The following NINJ2 variants were observed in gnomAD, a reference collection of about 807,000 sequenced individuals.
NINJ2 encodes ninjurin 2.
In NINJ2, 12 loss-of-function variants were observed where a neutral mutation model predicts 11.7. That is an observed-to-expected ratio of 1.02 (90% CI 0.66 to 1.66). The LOEUF is 1.66. Among genes scored for constraint, NINJ2 ranks in the 40% most tolerant of loss-of-function variants. The probability of loss-of-function intolerance (pLI) is 0.00; values close to 1 mark genes in which losing one functional copy is unlikely to be tolerated. For missense variants in NINJ2, 187 were observed against 181.8 expected (o/e 1.03, Z -0.16); for synonymous variants, 93 against 76.8 (o/e 1.21, Z -1.10).
intron 1 of NINJ2, among the ~76,000 whole-genome samples, chr12:625,511 C>T (rs186392294): frequency 2.0e-5 from 3 of 151,902 alleles, no homozygotes; most frequent in East Asian, 3.9e-4. Context: ...CTGGAGGCTA[C>T]GTTGAAGAAA....
At chr12:608,219 T>C (rs1947964710) in intron 1 of NINJ2, among the ~76,000 whole-genome samples, 1 of 152,136 alleles carries the variant, frequency 6.6e-6, no homozygotes, top group Non-Finnish European at 1.5e-5. Flanking sequence ...GAGTCCCCAG[T>C]CCTTTAGACT....
intron 1 of NINJ2, among the ~76,000 whole-genome samples, chr12:624,760 G>A (rs902875285): frequency 2.1e-5 from 3 of 145,020 alleles, no homozygotes; most frequent in Non-Finnish European, 1.5e-5. Flanking sequence ...AGTGAGCCGA[G>A]ATTGCGCCAC....
chr12:597,939 T>C (rs529789024), intron 1 of NINJ2, among the ~76,000 whole-genome samples: 4 of 152,374 alleles, frequency 2.6e-5, no homozygotes, highest in East Asian at 3.9e-4. Flanking sequence ...TGCTGGACCC[T>C]TCTGGTTTAA....
chr12:611,433 G>C (rs1215032251), intron 1 of NINJ2, among the ~76,000 whole-genome samples: 1 of 152,042 alleles, frequency 6.6e-6, no homozygotes, highest in Non-Finnish European at 1.5e-5. Context: ...CACCTCCTGG[G>C]TTTACGCAAT....
chr12:601,359 A>T (rs1200653156), intron 1 of NINJ2, among the ~76,000 whole-genome samples: 1 of 149,484 alleles, frequency 6.7e-6, no homozygotes, highest in Non-Finnish European at 1.5e-5. Flanking sequence ...ATCCTGGCTA[A>T]CACAGTGAAA....
intron 1 of NINJ2, chr12:610,497 C>T (rs2535404): frequency 0.28 from 425,292 of 1,520,452 alleles, 62,463 homozygotes; most frequent in African/African-American, 0.47. Flanking sequence ...GCCTTCTGCC[C>T]CCGTGGGTCC....
intron 1 of NINJ2, among the ~76,000 whole-genome samples, chr12:575,051 C>T (rs1351439239): frequency 6.6e-6 from 1 of 152,252 alleles, no homozygotes; most frequent in Non-Finnish European, 1.5e-5. Flanking sequence ...TGTGTTGTGA[C>T]TCAGGGCCCG....
intron 1 of NINJ2, among the ~76,000 whole-genome samples, chr12:652,420 A>G (rs1937808272): frequency 6.6e-6 from 1 of 152,150 alleles, no homozygotes; most frequent in African/African-American, 2.4e-5. Context: ...GAAATATTGA[A>G]AGAAGTTCTT....
chr12:629,213 A>G (rs1258159330), intron 1 of NINJ2, among the ~76,000 whole-genome samples: 3 of 152,172 alleles, frequency 2.0e-5, no homozygotes, highest in African/African-American at 4.8e-5. Flanking sequence ...AATCCTCACA[A>G]TGATCCTCTG....
At chr12:661,385 G>T (rs555241956) in intron 1 of NINJ2, among the ~76,000 whole-genome samples, 15 of 152,174 alleles carry the variant, frequency 9.9e-5, no homozygotes, top group Non-Finnish European at 1.6e-4. Flanking sequence ...CCAGCCAAAG[G>T]TGGACAATAA....
intron 1 of NINJ2, among the ~76,000 whole-genome samples, chr12:658,725 GCTAATGCTATGCTATGCTATA>G (rs1373927040): frequency 2.7e-5 from 3 of 109,254 alleles, no homozygotes; most frequent in African/African-American, 1.1e-4. Flanking sequence ...GCTATGCTAT[GCTAATGCTATGCTATGCTATA>G]CTATACTATG....
intron 1 of NINJ2, among the ~76,000 whole-genome samples, chr12:573,602 A>AAAAC (rs144410024): frequency 6.6e-6 from 1 of 152,070 alleles, no homozygotes; most frequent in African/African-American, 2.4e-5. Flanking sequence ...AGAAAAACAA[A>AAAAC]AAACAAACAA....
At chr12:579,014 C>T (rs1300508703) in intron 1 of NINJ2, among the ~76,000 whole-genome samples, 1 of 152,258 alleles carries the variant, frequency 6.6e-6, no homozygotes, top group South Asian at 2.1e-4. Context: ...AACCTAAACA[C>T]GGGTAAGTGG....
At chr12:609,751 A>G (rs1039050325) in intron 1 of NINJ2, among the ~76,000 whole-genome samples, 6 of 138,294 alleles carry the variant, frequency 4.3e-5, no homozygotes, top group African/African-American at 1.7e-4. Context: ...AGCCTGGGCA[A>G]CAGAGTGAGA....
chr12:612,314 T>A (rs1394862805), intron 1 of NINJ2, among the ~76,000 whole-genome samples: 1 of 152,098 alleles, frequency 6.6e-6, no homozygotes, highest in African/African-American at 2.4e-5. Context: ...CTCTGTGGGG[T>A]GTCGGGGCAG....
At chr12:658,857 A>G (rs1195938139) in intron 1 of NINJ2, among the ~76,000 whole-genome samples, 1 of 151,968 alleles carries the variant, frequency 6.6e-6, no homozygotes, top group Non-Finnish European at 1.5e-5. Flanking sequence ...GTGTCAATGT[A>G]AGGCTCATCG....
intron 1 of NINJ2, among the ~76,000 whole-genome samples, chr12:623,587 A>AC (rs1449619745): frequency 6.6e-6 from 1 of 152,198 alleles, no homozygotes; most frequent in Non-Finnish European, 1.5e-5. Context: ...TTAGTTTGCA[A>AC]CCAGCATGTA....
chr12:663,049 C>T lies in NINJ2; in HGVS notation c.33+279G>A, dbSNP rs201469132. Reference sequence around the variant, plus strand: ...AATGTGAAATCATTTTCTGGTAATACGGATCTAATTAGCTCTTTGACTGAC... The same window carrying T: ...AATGTGAAATCATTTTCTGGTAATATGGATCTAATTAGCTCTTTGACTGAC... On this transcript the variant is annotated intron_variant, in intron 1 of 3. Coordinates refer to ENST00000305108, the MANE Select transcript of NINJ2 (RefSeq NM_016533.6). 4.6e-5 allele frequency among the ~76,000 whole-genome samples: 7 copies of T among 152,200 alleles called. No individual in the cohort carries two copies. The East Asian group carries it at 1.2e-3, about 25-fold the overall frequency.
At chr12:635,240 AG>A (rs779657828) in intron 1 of NINJ2, among the ~76,000 whole-genome samples, 3 of 151,986 alleles carry the variant, frequency 2.0e-5, no homozygotes, top group African/African-American at 7.3e-5. Flanking sequence ...TAGTAGAAAC[AG>A]GGTTTCGCCA....
Sources: gnomAD v4.1 joint callset for allele counts (sites outside exome capture counted in the v4.1 genomes callset) on GRCh38, gnomAD v4.1.1 for gene constraint, MANE v1.5 for transcripts, NCBI Gene and HGNC (gene_info 2026-07-23, HGNC 2026-07-21) for gene names.